TYW1: variants seen among roughly 807,000 people sequenced by gnomAD.
TYW1 encodes the protein tRNA-yW synthesizing protein 1 homolog.
Under a neutral mutation model 96.2 loss-of-function variants are expected in TYW1, and 46 were observed. That is an observed-to-expected ratio of 0.48 (90% CI 0.38 to 0.61). The LOEUF (loss-of-function observed/expected upper bound fraction) is 0.61. TYW1 is among the 20% of genes least tolerant of loss of function. TYW1 has a pLI of 0.00. For synonymous variants in TYW1, 274 were observed against 323.0 expected, an observed-to-expected ratio of 0.85 and a Z score of 1.63; for missense variants, 684 against 909.6, an observed-to-expected ratio of 0.75 and a Z score of 3.19.
intron 15 of TYW1, among the ~76,000 whole-genome samples, chr7:67,206,622 CA>C (rs1800808823): frequency 7.0e-6 from 1 of 143,418 alleles, no homozygotes; most frequent in Non-Finnish European, 1.5e-5. Context: ...CTGTCTCAAA[CA>C]TAAATAAATA....
chr7:67,018,215 T>C (rs117499834), intron 6 of TYW1, 72 bp downstream of exon 6: 31,632 of 1,542,678 alleles, frequency 0.021, 419 homozygotes, highest in Non-Finnish European at 0.023. Flanking sequence ...GACCTCTTTC[T>C]CAATAAACCA....
intron 13 of TYW1, among the ~76,000 whole-genome samples, chr7:67,153,441 G>A (rs901837024): frequency 6.6e-6 from 1 of 152,164 alleles, no homozygotes. Flanking sequence ...GGGTGACAAA[G>A]CAAGACTCAG....
chr7:67,151,697 T>A (rs899312524), intron 13 of TYW1, among the ~76,000 whole-genome samples: 6 of 152,208 alleles, frequency 3.9e-5, no homozygotes, highest in African/African-American at 1.4e-4. Context: ...GAAATGGTAG[T>A]GACTGGTGTG....
At chr7:67,046,924 G>A (rs1406001103) in intron 7 of TYW1, among the ~76,000 whole-genome samples, 2 of 152,158 alleles carry the variant, frequency 1.3e-5, no homozygotes, top group African/African-American at 2.4e-5. Context: ...TTTGGAGTCT[G>A]TTCATTTTGT....
At chr7:67,171,434 T>C (rs184396695) in intron 13 of TYW1, among the ~76,000 whole-genome samples, 199 of 152,248 alleles carry the variant, frequency 1.3e-3, no homozygotes, top group African/African-American at 4.7e-3. Context: ...TTTAATTTAC[T>C]CTTCTTTTGC....
At chr7:67,089,198 C>T (rs1331118876) in intron 11 of TYW1, 26 of 837,716 alleles carry the variant, frequency 3.1e-5, no homozygotes, top group Non-Finnish European at 4.4e-5. Context: ...ACCCCTTTCC[C>T]CCTTATATAT....
chr7:67,065,671 G>A (rs1470980731), intron 9 of TYW1, among the ~76,000 whole-genome samples: 1 of 151,088 alleles, frequency 6.6e-6, no homozygotes, highest in African/African-American at 2.4e-5. Context: ...ACAAAAAATA[G>A]TTAAAAGGCT....
intron 13 of TYW1, among the ~76,000 whole-genome samples, chr7:67,146,649 TATAACA>T: frequency 6.6e-6 from 1 of 152,350 alleles, no homozygotes; most frequent in East Asian, 1.9e-4. Flanking sequence ...AAGAATATTG[TATAACA>T]ATATTCAGAA....
intron 10 of TYW1, among the ~76,000 whole-genome samples, chr7:67,078,658 A>C (rs573334431): frequency 3.6e-4 from 55 of 152,180 alleles, no homozygotes; most frequent in Non-Finnish European, 6.2e-4. Flanking sequence ...TGCTCTCTTC[A>C]ATTTCTTTCC....
chr7:67,054,812 T>A (rs1326058714), intron 8 of TYW1, among the ~76,000 whole-genome samples: 1 of 152,218 alleles, frequency 6.6e-6, no homozygotes, highest in East Asian at 1.9e-4. Flanking sequence ...AATGTACTAC[T>A]TGTTTGTACT....
At chr7:67,195,128 GT>G in intron 14 of TYW1, 41 bp from the exon 15 acceptor site, 1 of 1,582,312 alleles carries the variant, frequency 6.3e-7, no homozygotes. Flanking sequence ...TGACATGCAG[GT>G]AGGTCTGTAG....
intron 7 of TYW1, among the ~76,000 whole-genome samples, chr7:67,033,883 C>T (rs997879380): frequency 2.7e-5 from 4 of 150,802 alleles, no homozygotes; most frequent in East Asian, 2.0e-4. Flanking sequence ...TTAGTAGAGA[C>T]GAGGTTTCAC....
chr7:67,032,714 G>C (rs999580995), intron 7 of TYW1, among the ~76,000 whole-genome samples: 3 of 151,968 alleles, frequency 2.0e-5, no homozygotes, highest in Non-Finnish European at 4.4e-5. Flanking sequence ...GTTTTGAGTT[G>C]ACTCTCTTTC....
chr7:67,084,742 T>C (rs1206656268), intron 11 of TYW1, among the ~76,000 whole-genome samples: 1 of 152,134 alleles, frequency 6.6e-6, no homozygotes, highest in Non-Finnish European at 1.5e-5. Context: ...CTCAAACTCT[T>C]GGACTCAAGC....
At chr7:67,071,281 A>C (rs1333259446) in intron 10 of TYW1, among the ~76,000 whole-genome samples, 1 of 150,700 alleles carries the variant, frequency 6.6e-6, no homozygotes, top group African/African-American at 2.4e-5. Flanking sequence ...TAAAGATTTT[A>C]TTCTTTGTTT....
intron 5 of TYW1, 98 bp downstream of exon 5, chr7:67,014,659 A>G (rs1192812324): frequency 1.9e-5 from 26 of 1,378,264 alleles, no homozygotes; most frequent in Non-Finnish European, 2.5e-5. Context: ...GCACACACAC[A>G]TAAACACACA....
intron 13 of TYW1, among the ~76,000 whole-genome samples, chr7:67,181,473 C>T (rs1256414003): frequency 6.6e-6 from 1 of 152,122 alleles, no homozygotes; most frequent in Non-Finnish European, 1.5e-5. Flanking sequence ...GTGTGGCTGC[C>T]TAATATTCCT....
At chr7:67,144,789 C>A (rs371415765) in intron 13 of TYW1, among the ~76,000 whole-genome samples, 1 of 151,972 alleles carries the variant, frequency 6.6e-6, no homozygotes, top group East Asian at 1.9e-4. Flanking sequence ...TTTTTAATAT[C>A]CAAACTTCCT....
intron 7 of TYW1, among the ~76,000 whole-genome samples, chr7:67,037,188 A>C (rs1291777362): frequency 6.6e-6 from 1 of 152,140 alleles, no homozygotes; most frequent in Non-Finnish European, 1.5e-5. Context: ...TATCAGATGT[A>C]GTCTGAAGGG....
Sources: gnomAD v4.1 joint callset for allele counts (sites outside exome capture counted in the v4.1 genomes callset) on GRCh38, gnomAD v4.1.1 for gene constraint, MANE v1.5 for transcripts, NCBI Gene and HGNC (gene_info 2026-07-23, HGNC 2026-07-21) for gene names.